ASCC3: variants seen among roughly 807,000 people sequenced by gnomAD.
ASCC3 encodes activating signal cointegrator 1 complex subunit 3.
In ASCC3, 158 loss-of-function variants were observed where a neutral mutation model predicts 256.3. That is an observed-to-expected ratio of 0.62 (90% CI 0.54 to 0.70). The LOEUF (loss-of-function observed/expected upper bound fraction) is 0.70. Among genes scored for constraint, ASCC3 ranks in the 30% least tolerant of loss-of-function variants. The pLI is 0.00. For missense variants in ASCC3, 2,259 were observed against 2,626.0 expected (o/e 0.86, Z 3.05); for synonymous variants, 948 against 883.4 (o/e 1.07, Z -1.30).
At chr6:100,623,463 G>A (rs914239611) in intron 30 of ASCC3, among the ~76,000 whole-genome samples, 1 of 152,098 alleles carries the variant, frequency 6.6e-6, no homozygotes, top group Non-Finnish European at 1.5e-5. Flanking sequence ...AATACATACA[G>A]TACTATCTAA....
At chr6:100,523,252 T>C (rs925879995) in intron 37 of ASCC3, among the ~76,000 whole-genome samples, 1 of 151,886 alleles carries the variant, frequency 6.6e-6, no homozygotes, top group Non-Finnish European at 1.5e-5. Flanking sequence ...TCAAGGAGTT[T>C]CATTAGGTGC....
At chr6:100,617,630 A>C (rs558717776) in intron 30 of ASCC3, among the ~76,000 whole-genome samples, 1 of 152,290 alleles carries the variant, frequency 6.6e-6, no homozygotes, top group Non-Finnish European at 1.5e-5. Context: ...TGCCAAGTTC[A>C]TCCAGGACCT....
intron 1 of ASCC3, among the ~76,000 whole-genome samples, chr6:100,876,634 A>G (rs1031659224): frequency 6.6e-6 from 1 of 152,194 alleles, no homozygotes; most frequent in African/African-American, 2.4e-5. Context: ...ATAAGGATTA[A>G]GAAAAACTGG....
chr6:100,557,116 C>T (rs970922475), intron 36 of ASCC3, among the ~76,000 whole-genome samples: 2 of 152,144 alleles, frequency 1.3e-5, no homozygotes, highest in Non-Finnish European at 2.9e-5. Context: ...CAGAAGCAGA[C>T]TAAGTTTTGT....
At chr6:100,526,561 C>T (rs542976168) in intron 37 of ASCC3, among the ~76,000 whole-genome samples, 27 of 152,278 alleles carry the variant, frequency 1.8e-4, no homozygotes, top group African/African-American at 5.8e-4. Context: ...GTGTTTAACA[C>T]CTCAAAATCC....
At chr6:100,777,189 ATT>A (rs1782232730) in intron 8 of ASCC3, among the ~76,000 whole-genome samples, 1 of 152,142 alleles carries the variant, frequency 6.6e-6, no homozygotes, top group Non-Finnish European at 1.5e-5. Context: ...AACTGGATAA[ATT>A]TTTTCATTTA....
chr6:100,716,130 G>A (rs185825848), intron 12 of ASCC3, among the ~76,000 whole-genome samples: 26 of 151,842 alleles, frequency 1.7e-4, no homozygotes, highest in Non-Finnish European at 3.4e-4. Flanking sequence ...AAGTATTTAA[G>A]GTTATGGATA....
intron 10 of ASCC3, among the ~76,000 whole-genome samples, chr6:100,726,656 C>T (rs902907608): frequency 5.3e-5 from 8 of 152,084 alleles, no homozygotes; most frequent in Admixed American, 5.3e-4. Context: ...ATTTTGTTTT[C>T]TATGCTTTAA....
chr6:100,810,637 C>G (rs1041726033), intron 4 of ASCC3, among the ~76,000 whole-genome samples: 20 of 152,194 alleles, frequency 1.3e-4, no homozygotes, highest in African/African-American at 4.6e-4. Flanking sequence ...TATACAAAAT[C>G]TCAAAACAGA....
At chr6:100,567,404 T>C (rs1299219632) in intron 36 of ASCC3, among the ~76,000 whole-genome samples, 2 of 152,158 alleles carry the variant, frequency 1.3e-5, no homozygotes, top group African/African-American at 4.8e-5. Context: ...ATTGCATAGA[T>C]GTACCTTAAT....
intron 37 of ASCC3, among the ~76,000 whole-genome samples, chr6:100,532,655 T>C (rs1774975022): frequency 6.6e-6 from 1 of 151,810 alleles, no homozygotes; most frequent in Non-Finnish European, 1.5e-5. Flanking sequence ...AAGGAATGTA[T>C]TTCAGAATAG....
At chr6:100,680,777 A>G (rs1040164103) in intron 13 of ASCC3, among the ~76,000 whole-genome samples, 2 of 151,660 alleles carry the variant, frequency 1.3e-5, no homozygotes, top group African/African-American at 2.4e-5. Context: ...TGGATGTCCT[A>G]ATCCTTGCAC....
At chr6:100,859,114 T>G (rs1773098579) in intron 3 of ASCC3, 1 of 779,832 alleles carries the variant, frequency 1.3e-6, no homozygotes, top group Admixed American at 1.7e-5. Context: ...TTTGTCATCT[T>G]AGTCCTCTGA....
chr6:100,549,943 G>A (rs569273125), intron 36 of ASCC3, among the ~76,000 whole-genome samples: 225 of 151,882 alleles, frequency 1.5e-3, no homozygotes, highest in African/African-American at 5.4e-3. Flanking sequence ...TCCAGGCAAA[G>A]AAAATAGTGT....
intron 38 of ASCC3, among the ~76,000 whole-genome samples, chr6:100,517,381 G>A (rs240782): frequency 3.9e-5 from 6 of 152,008 alleles, no homozygotes; most frequent in Non-Finnish European, 5.9e-5. Flanking sequence ...CTTAACTGGC[G>A]TGAAACACTG....
Position 100,805,817 on chromosome 6 carries a change from T to A in ASCC3, c.865A>T (p.Thr289Ser). 2.5e-6 allele frequency: 4 copies of A among 1,611,476 alleles called. No homozygotes were observed. The highest frequency in any genetic ancestry group is 3.4e-6 in the Non-Finnish European group (4 of 1,178,598). ...GAATTAAGAAATCTATCCACAATTG[T>A]AATTCTGTTCTGGAGGAGTTTCTCA... The part of the protein sequence containing the change: ...LIEKLLQNRI[T>S]IVDRFLNSSN... The change falls in exon 5 of 42, where the codon ACA (threonine) becomes TCA (serine). Residue 289 changes from threonine to serine, a missense_variant. Physicochemically the swap from Thr to Ser is moderately conservative, Grantham distance 58. Coordinates refer to ENST00000369162, the MANE Select transcript of ASCC3 (RefSeq NM_006828.4).
Position 100,621,689 on chromosome 6 carries a change from A to C in ASCC3, c.4785+3503T>G, listed in dbSNP as rs187057599. Among the ~76,000 whole-genome samples the C allele has an allele frequency of 1.1e-4, 17 of 152,304 alleles. No homozygotes were observed. In the East Asian group the frequency reaches 2.7e-3, roughly 24 times the overall value. ...GTGGAAGACCGTGTGGCAATTCCTC[A>C]AGGATCTAGAGGCAGAAATATCATC... is the stretch of plus-strand genomic sequence containing the variant. On this transcript the variant is annotated intron_variant, in intron 30 of 41. Transcript: ENST00000369162.
At chr6:100,745,614 T>C (rs979572739) in intron 10 of ASCC3, among the ~76,000 whole-genome samples, 1 of 152,222 alleles carries the variant, frequency 6.6e-6, no homozygotes, top group Admixed American at 6.5e-5. Context: ...ATGTTTGCAC[T>C]GTTGGAAGGG....
At chr6:100,534,308 G>A (rs1456445779) in intron 37 of ASCC3, among the ~76,000 whole-genome samples, 1 of 152,148 alleles carries the variant, frequency 6.6e-6, no homozygotes, top group African/African-American at 2.4e-5. Context: ...AAAAAAGGCA[G>A]AGAGGTACTC....
Sources: gnomAD v4.1 joint callset for allele counts (sites outside exome capture counted in the v4.1 genomes callset) on GRCh38, gnomAD v4.1.1 for gene constraint, MANE v1.5 for transcripts, NCBI Gene and HGNC (gene_info 2026-07-23, HGNC 2026-07-21) for gene names.